ZFAT: variants seen among roughly 807,000 people sequenced by gnomAD.
The protein encoded by ZFAT is zinc finger protein ZFAT.
ZFAT carries 64 observed loss-of-function variants against 117.7 expected under a neutral mutation model. That is an observed-to-expected ratio of 0.54 (90% confidence interval 0.44 to 0.67). The LOEUF is 0.67. Ranked by LOEUF, ZFAT falls within the 30% of genes least tolerant of loss-of-function variation. ZFAT has a pLI of 0.00. For synonymous variants in ZFAT, 679 were observed against 615.0 expected (o/e 1.10, Z -1.54); for missense variants, 1,433 against 1,584.5 (o/e 0.90, Z 1.62).
intron 15 of ZFAT, among the ~76,000 whole-genome samples, chr8:134,491,476 T>C (rs1303132467): frequency 6.6e-6 from 1 of 152,252 alleles, no homozygotes; most frequent in South Asian, 2.1e-4. Flanking sequence ...AAATGTATCA[T>C]TTTTCAGTTC....
At chr8:134,746,318 A>C in the ZFAT span, among the ~76,000 whole-genome samples, 1 of 152,070 alleles carries the variant, frequency 6.6e-6, no homozygotes, top group South Asian at 2.1e-4. Context: ...TTAATCTTTG[A>C]TTTATCATTT....
chr8:134,611,644 T>C (rs1828338552), intron 3 of ZFAT, among the ~76,000 whole-genome samples: 1 of 152,230 alleles, frequency 6.6e-6, no homozygotes, highest in African/African-American at 2.4e-5. Context: ...GGTCTTCTGA[T>C]GGCTCACAGA....
intron 1 of ZFAT, among the ~76,000 whole-genome samples, chr8:134,672,924 A>C (rs1403609050): frequency 6.6e-6 from 1 of 152,250 alleles, no homozygotes; most frequent in Non-Finnish European, 1.5e-5. Context: ...AATAAATCTT[A>C]GAACATCAAA....
intron 1 of ZFAT, among the ~76,000 whole-genome samples, chr8:134,691,463 T>C (rs541762507): frequency 2.0e-5 from 3 of 152,322 alleles, no homozygotes; most frequent in African/African-American, 7.2e-5. Context: ...TAGGGGGCGA[T>C]AAAAGACAAA....
intron 7 of ZFAT, 159 bp downstream of exon 7, chr8:134,600,277 C>A (rs1190084973): frequency 2.0e-5 from 14 of 709,692 alleles, no homozygotes; most frequent in Non-Finnish European, 2.8e-5. Context: ...GTGAAAGGAA[C>A]CTGGGAAGCC....
chr8:134,612,580 G>GT (rs1828422848), intron 3 of ZFAT, among the ~76,000 whole-genome samples: 1 of 152,194 alleles, frequency 6.6e-6, no homozygotes, highest in South Asian at 2.1e-4. Flanking sequence ...GTTCTATAAA[G>GT]TTTTTTTGGT....
chr8:134,728,505 G>C, the ZFAT span, among the ~76,000 whole-genome samples: 1 of 152,070 alleles, frequency 6.6e-6, no homozygotes, highest in Admixed American at 6.5e-5. Context: ...AATCTTAGAG[G>C]GACTGGCTGG....
chr8:134,776,902 A>G, the ZFAT span, among the ~76,000 whole-genome samples: 1 of 152,222 alleles, frequency 6.6e-6, no homozygotes, highest in Non-Finnish European at 1.5e-5. Context: ...AATACATTTC[A>G]TGCCTTAGAA....
At chr8:134,636,609 C>T (rs906318295) in intron 3 of ZFAT, among the ~76,000 whole-genome samples, 1 of 152,216 alleles carries the variant, frequency 6.6e-6, no homozygotes, top group Non-Finnish European at 1.5e-5. Flanking sequence ...CTGCTTCCCA[C>T]ATAACATGGT....
At chr8:134,667,508 A>C (rs1420617705) in intron 1 of ZFAT, among the ~76,000 whole-genome samples, 7 of 137,000 alleles carry the variant, frequency 5.1e-5, no homozygotes, top group Non-Finnish European at 9.9e-5. Flanking sequence ...AAAAAAAAAA[A>C]AAAACATAGA....
chr8:134,639,637 G>C (rs1830470752), intron 2 of ZFAT: 3 of 454,934 alleles, frequency 6.6e-6, no homozygotes, highest in Non-Finnish European at 1.3e-5. Context: ...AAGGTACAGA[G>C]TAAGAAACCA....
At chr8:134,804,925 G>A in the ZFAT span, 3 of 534,032 alleles carry the variant, frequency 5.6e-6, no homozygotes, top group Admixed American at 5.8e-5. Flanking sequence ...ACAGCTTCCA[G>A]TCGGGGATGT....
chr8:134,801,684 T>A, the ZFAT span, among the ~76,000 whole-genome samples: 2 of 152,186 alleles, frequency 1.3e-5, no homozygotes, highest in African/African-American at 4.8e-5. Flanking sequence ...CACATTCAAA[T>A]AGGCCCCTCC....
the ZFAT span, among the ~76,000 whole-genome samples, chr8:134,814,354 C>G: frequency 6.6e-6 from 1 of 152,200 alleles, no homozygotes; most frequent in South Asian, 2.1e-4. Flanking sequence ...TAAAACCTAC[C>G]TCGCTTAAGA....
At chr8:134,766,016 G>GTCTC in the ZFAT span, 1 of 152,224 alleles carries the variant, frequency 6.6e-6, no homozygotes, top group African/African-American at 2.4e-5. Context: ...CCTTGACCCT[G>GTCTC]TCTCTACCTG....
intron 1 of ZFAT, among the ~76,000 whole-genome samples, chr8:134,691,650 C>T (rs1003598839): frequency 1.7e-4 from 26 of 152,118 alleles, no homozygotes; most frequent in African/African-American, 4.6e-4. Flanking sequence ...TTCGTAAATC[C>T]CCTTCAATAT....
chr8:134,711,181 C>A (rs750484715), intron 1 of ZFAT, among the ~76,000 whole-genome samples: 2 of 152,238 alleles, frequency 1.3e-5, no homozygotes, highest in Non-Finnish European at 2.9e-5. Flanking sequence ...ACTGCCCAGG[C>A]TGGTCTTGAA....
At chr8:134,712,469 C>A (rs1814039065) in intron 1 of ZFAT, among the ~76,000 whole-genome samples, 1 of 151,392 alleles carries the variant, frequency 6.6e-6, no homozygotes, top group African/African-American at 2.4e-5. Context: ...CGAGGCCAGG[C>A]AAGAAGGAAG....
At chr8:134,757,123 T>G in the ZFAT span, among the ~76,000 whole-genome samples, 1 of 150,038 alleles carries the variant, frequency 6.7e-6, no homozygotes, top group South Asian at 2.2e-4. Flanking sequence ...TTCAAGCACT[T>G]CTCCTGCCTC....
Sources: allele counts gnomAD v4.1 joint callset (sites outside exome capture counted in the v4.1 genomes callset), GRCh38; gene constraint gnomAD v4.1.1; transcripts MANE v1.5; gene names NCBI Gene and HGNC (gene_info 2026-07-23, HGNC 2026-07-21).